The following AOAH variants were observed in gnomAD, a reference collection of about 807,000 sequenced individuals.
AOAH encodes acyloxyacyl hydrolase (neutrophil).
A neutral mutation model predicts 92.2 loss-of-function variants in AOAH; 64 were observed. The observed-to-expected ratio is 0.69, with a 90% CI of 0.57 to 0.86. AOAH has a LOEUF of 0.86. Ranked by LOEUF, AOAH falls within the 40% of genes least tolerant of loss-of-function variation. AOAH has a pLI of 0.00. For synonymous variants in AOAH, 263 were observed against 254.5 expected, an observed-to-expected ratio of 1.03 and a Z score of -0.32; for missense variants, 656 against 694.6, an observed-to-expected ratio of 0.94 and a Z score of 0.62.
chr7:36,714,812 T>C (rs922729969), intron 1 of AOAH, among the ~76,000 whole-genome samples: 19 of 152,350 alleles, frequency 1.2e-4, no homozygotes, highest in African/African-American at 4.1e-4. Context: ...AAATTAGGTA[T>C]TGATGGGACG....
intron 20 of AOAH, among the ~76,000 whole-genome samples, chr7:36,518,415 A>G (rs1783939343): frequency 6.6e-6 from 1 of 152,182 alleles, no homozygotes; most frequent in South Asian, 2.1e-4. Context: ...AGTGCATGGT[A>G]TGCCATCAGA....
intron 6 of AOAH, among the ~76,000 whole-genome samples, chr7:36,627,602 G>A (rs1044519197): frequency 1.4e-4 from 22 of 151,902 alleles, no homozygotes; most frequent in Admixed American, 2.0e-4. Flanking sequence ...TGGGAACCCT[G>A]ATTGCAAGGA....
At position 36,637,735 on chromosome 7, in the gene AOAH, T is replaced by C. The variant is rs1793618435; in HGVS notation, c.450+116A>G. The C allele has an allele frequency of 3.4e-6, 3 of 876,560 alleles. No individual in the cohort carries two copies. The South Asian group carries it at 4.5e-5, about 13-fold the overall frequency. The allele number at this position is 876,560 out of a possible 1,614,324, so 54.3% of individuals were successfully genotyped here. On this transcript the variant is annotated intron_variant, in intron 5 of 20. Coordinates refer to ENST00000617537, the MANE Select transcript of AOAH (RefSeq NM_001637.4). ...TCCTACTTCCATCCCCACGTAGCTA[T>C]GGCATGTTGCAGGCTTATATCCGGA...
At chr7:36,639,000 T>C (rs974872931) in intron 4 of AOAH, among the ~76,000 whole-genome samples, 2 of 152,206 alleles carry the variant, frequency 1.3e-5, no homozygotes, top group African/African-American at 4.8e-5. Context: ...GGGGCCACTG[T>C]GATAGTCCCA....
chr7:36,636,778 C>A (rs1366832639), intron 5 of AOAH, among the ~76,000 whole-genome samples: 1 of 152,216 alleles, frequency 6.6e-6, no homozygotes, highest in Non-Finnish European at 1.5e-5. Flanking sequence ...TATACTAAAA[C>A]ACTATTCGTT....
chr7:36,657,236 T>A (rs1794947506), intron 4 of AOAH, among the ~76,000 whole-genome samples: 1 of 152,210 alleles, frequency 6.6e-6, no homozygotes, highest in Non-Finnish European at 1.5e-5. Flanking sequence ...GACACCACGT[T>A]AGAGCTCAAC....
chr7:36,658,810 A>G (rs1304837141), intron 4 of AOAH, among the ~76,000 whole-genome samples: 2 of 152,170 alleles, frequency 1.3e-5, no homozygotes, highest in African/African-American at 4.8e-5. Flanking sequence ...TCATGGCAGG[A>G]AAGTCCTGGG....
chr7:36,717,005 TAAA>T (rs1799237695), intron 1 of AOAH, among the ~76,000 whole-genome samples: 1 of 148,146 alleles, frequency 6.8e-6, no homozygotes, highest in Non-Finnish European at 1.5e-5. Context: ...AATAAATAAA[TAAA>T]TAAATAAATA....
chr7:36,673,726 A>T (rs890833454), intron 3 of AOAH, among the ~76,000 whole-genome samples: 1 of 152,160 alleles, frequency 6.6e-6, no homozygotes, highest in Non-Finnish European at 1.5e-5. Context: ...ACCCAAGTAC[A>T]GGTTACCACA....
At chr7:36,576,012 C>T (rs1325201751) in intron 13 of AOAH, among the ~76,000 whole-genome samples, 1 of 152,192 alleles carries the variant, frequency 6.6e-6, no homozygotes, top group Admixed American at 6.5e-5. Flanking sequence ...TGTTTACCAT[C>T]TCTGCATTAT....
intron 16 of AOAH, among the ~76,000 whole-genome samples, chr7:36,535,004 GTATC>G (rs1274907239): frequency 7.4e-6 from 1 of 134,864 alleles, no homozygotes; most frequent in Non-Finnish European, 1.6e-5. Context: ...CTGCTTGTGT[GTATC>G]TGTGTGTGTC....
intron 4 of AOAH, among the ~76,000 whole-genome samples, chr7:36,657,825 T>C (rs1794981701): frequency 6.6e-6 from 1 of 152,018 alleles, no homozygotes; most frequent in Admixed American, 6.5e-5. Context: ...CTCTAGAGAG[T>C]ATAAAAATAA....
chr7:36,707,975 T>C (rs894337058), intron 1 of AOAH, among the ~76,000 whole-genome samples: 2 of 152,108 alleles, frequency 1.3e-5, no homozygotes, highest in Non-Finnish European at 2.9e-5. Context: ...TTATTTTTTG[T>C]AAAGATGGAG....
intron 1 of AOAH, among the ~76,000 whole-genome samples, chr7:36,704,261 C>T (rs956516799): frequency 1.3e-5 from 2 of 152,020 alleles, no homozygotes; most frequent in African/African-American, 4.8e-5. Flanking sequence ...AGCCTTTTGT[C>T]AGATGGATAG....
chr7:36,552,591 A>G (rs1786349489), intron 13 of AOAH, among the ~76,000 whole-genome samples: 1 of 152,202 alleles, frequency 6.6e-6, no homozygotes, highest in Non-Finnish European at 1.5e-5. Flanking sequence ...TGTCCTCCAC[A>G]ATGGTTGAAC....
chr7:36,582,560 T>C (rs1000320106), intron 12 of AOAH, among the ~76,000 whole-genome samples: 2 of 152,206 alleles, frequency 1.3e-5, no homozygotes, highest in African/African-American at 2.4e-5. Flanking sequence ...AAAATCACTT[T>C]TTCTGAGAGC....
At chr7:36,677,944 G>C (rs1796355941) in intron 2 of AOAH, among the ~76,000 whole-genome samples, 1 of 152,158 alleles carries the variant, frequency 6.6e-6, no homozygotes, top group Non-Finnish European at 1.5e-5. Flanking sequence ...CTTAGGGCTG[G>C]AAAGAGTGGG....
chr7:36,688,960 T>G (rs1037431129), intron 1 of AOAH, among the ~76,000 whole-genome samples: 3 of 152,176 alleles, frequency 2.0e-5, no homozygotes, highest in African/African-American at 7.2e-5. Context: ...CATATGTATG[T>G]GTATATAGAT....
At chr7:36,723,776 A>G (rs755658481) in intron 1 of AOAH, among the ~76,000 whole-genome samples, 6 of 152,164 alleles carry the variant, frequency 3.9e-5, no homozygotes, top group Non-Finnish European at 7.4e-5. Flanking sequence ...AAAAATTCCA[A>G]TCGCCAATGA....
Sources: allele counts gnomAD v4.1 joint callset (sites outside exome capture counted in the v4.1 genomes callset), GRCh38; gene constraint gnomAD v4.1.1; transcripts MANE v1.5; gene names NCBI Gene and HGNC (gene_info 2026-07-23, HGNC 2026-07-21).